CCDC85A: variants seen among roughly 807,000 people sequenced by gnomAD.
The protein encoded by CCDC85A is coiled-coil domain containing 85A.
Under a neutral mutation model 50.2 loss-of-function variants are expected in CCDC85A, and 38 were observed. That is an observed-to-expected ratio of 0.76 (90% CI 0.58 to 0.99). CCDC85A has a LOEUF of 0.99. Among genes scored for constraint, CCDC85A ranks in the 50% least tolerant of loss-of-function variants. The pLI is 0.00. For synonymous variants in CCDC85A, 366 were observed against 301.4 expected (o/e 1.21, Z -2.22); for missense variants, 820 against 742.0 (o/e 1.11, Z -1.22).
chr2:56,347,715 G>A (rs1311319061), intron 3 of CCDC85A, among the ~76,000 whole-genome samples: 1 of 152,172 alleles, frequency 6.6e-6, no homozygotes, highest in East Asian at 1.9e-4. Context: ...GAGTGAACTG[G>A]AGGAGGGTGG....
intron 3 of CCDC85A, among the ~76,000 whole-genome samples, chr2:56,353,631 C>G (rs1403692920): frequency 2.0e-5 from 3 of 152,060 alleles, no homozygotes; most frequent in African/African-American, 7.2e-5. Flanking sequence ...GGAGAGGAAC[C>G]CACAGGAAGT....
At chr2:56,211,540 A>G (rs748065407) in intron 2 of CCDC85A, among the ~76,000 whole-genome samples, 1 of 151,996 alleles carries the variant, frequency 6.6e-6, no homozygotes, top group African/African-American at 2.4e-5. Context: ...AATGTTAGAA[A>G]TAAAGCAATC....
rs535638600 is a variant in CCDC85A at position 56,351,314 on chromosome 2, G to A, written c.1317+8359G>A. 1.7e-3 allele frequency among the ~76,000 whole-genome samples: 252 copies of A among 150,688 alleles called. 1 individual carries two copies. Among genetic ancestry groups the A allele is most frequent in the African/African-American group, 5.4e-3 (218 of 40,686 alleles). On this transcript the variant is annotated intron_variant, in intron 3 of 5. Transcript: ENST00000407595. ...GTGAATAGTGCCGCAATAAACATACGTGTGCATGTGTCTTTATAGCAGCAT... is the reference window on the plus strand; with the variant it reads ...GTGAATAGTGCCGCAATAAACATACATGTGCATGTGTCTTTATAGCAGCAT...
chr2:56,338,784 T>A (rs1198823254), intron 2 of CCDC85A, among the ~76,000 whole-genome samples: 4 of 152,100 alleles, frequency 2.6e-5, no homozygotes, highest in African/African-American at 7.2e-5. Context: ...ATTTTTTTTT[T>A]AATGGCTTTT....
chr2:56,288,440 T>G (rs955417465), intron 2 of CCDC85A, among the ~76,000 whole-genome samples: 2 of 152,150 alleles, frequency 1.3e-5, no homozygotes, highest in East Asian at 3.9e-4. Context: ...TAGTTTAATG[T>G]TTTTGATTGA....
chr2:56,322,106 C>T (rs1673229376), intron 2 of CCDC85A, among the ~76,000 whole-genome samples: 2 of 152,184 alleles, frequency 1.3e-5, no homozygotes, highest in African/African-American at 4.8e-5. Context: ...AAAGCTGAAA[C>T]TGGATCCCTT....
intron 2 of CCDC85A, among the ~76,000 whole-genome samples, chr2:56,275,002 C>T (rs1670863199): frequency 6.6e-6 from 1 of 152,114 alleles, no homozygotes; most frequent in Admixed American, 6.5e-5. Context: ...ACACTAATTT[C>T]ATCATGAGGG....
intron 5 of CCDC85A, among the ~76,000 whole-genome samples, 200 bp downstream of exon 5, chr2:56,376,135 T>C (rs1217585892): frequency 6.7e-6 from 1 of 149,500 alleles, no homozygotes; most frequent in Non-Finnish European, 1.5e-5. Flanking sequence ...GTACTTATGG[T>C]TGAATCTCTA....
intron 1 of CCDC85A, among the ~76,000 whole-genome samples, chr2:56,191,687 G>C (rs1190235136): frequency 6.6e-6 from 1 of 152,192 alleles, no homozygotes; most frequent in Non-Finnish European, 1.5e-5. Context: ...GGTGCAGTTT[G>C]GGGAGAGAGG....
At chr2:56,288,076 G>A (rs967374723) in intron 2 of CCDC85A, among the ~76,000 whole-genome samples, 1 of 152,082 alleles carries the variant, frequency 6.6e-6, no homozygotes, top group African/African-American at 2.4e-5. Flanking sequence ...CCCATATCTT[G>A]GGATGATTGA....
At chr2:56,316,688 G>A (rs1284208720) in intron 2 of CCDC85A, among the ~76,000 whole-genome samples, 1 of 152,030 alleles carries the variant, frequency 6.6e-6, no homozygotes, top group Non-Finnish European at 1.5e-5. Context: ...TTAGTAAGGG[G>A]ATGTTCTGTG....
At chr2:56,240,784 A>G (rs1231847591) in intron 2 of CCDC85A, among the ~76,000 whole-genome samples, 1 of 152,154 alleles carries the variant, frequency 6.6e-6, no homozygotes, top group Non-Finnish European at 1.5e-5. Context: ...TCATCAATTG[A>G]TGAAAATTTT....
chr2:56,309,547 A>G (rs887735256), intron 2 of CCDC85A, among the ~76,000 whole-genome samples: 12 of 152,230 alleles, frequency 7.9e-5, no homozygotes, highest in African/African-American at 2.7e-4. Context: ...TTTGGTGAAC[A>G]GTAAAAGTGA....
intron 3 of CCDC85A, among the ~76,000 whole-genome samples, chr2:56,363,523 A>G (rs777227467): frequency 2.0e-5 from 3 of 152,226 alleles, no homozygotes; most frequent in Middle Eastern, 3.4e-3. Context: ...TTGCTTCTCT[A>G]TTGACCTCTC....
At chr2:56,371,178 G>A (rs1210944107) in intron 3 of CCDC85A, among the ~76,000 whole-genome samples, 1 of 152,106 alleles carries the variant, frequency 6.6e-6, no homozygotes, top group Non-Finnish European at 1.5e-5. Flanking sequence ...TTATACGTGA[G>A]AAGTAGAGTA....
At position 56,384,446 on chromosome 2, in the gene CCDC85A, G is replaced by C. The variant is rs1000263951; in HGVS notation, c.*91G>C. 5 of 1,074,332 alleles carry C rather than the reference G, an allele frequency of 4.7e-6. No homozygotes were observed. Among genetic ancestry groups the C allele is most frequent in the East Asian group, 2.4e-5 (1 of 41,300 alleles). The allele number at this position is 1,074,332 out of a possible 1,614,324, so 66.5% of individuals were successfully genotyped here. A position where few individuals can be genotyped will look rare whatever the true frequency, so the allele number is the denominator to read the frequency against. On this transcript the variant is annotated 3_prime_UTR_variant, in exon 6 of 6. Coordinates refer to ENST00000407595, the MANE Select transcript of CCDC85A (RefSeq NM_001080433.2). ...GAAAGAGTGGGTTTCCACAAACCTG[G>C]ACTCATGGAATAACATGGAGTGATT...
chr2:56,278,015 A>G (rs1671037443), intron 2 of CCDC85A, among the ~76,000 whole-genome samples: 1 of 152,176 alleles, frequency 6.6e-6, no homozygotes, highest in African/African-American at 2.4e-5. Flanking sequence ...CATGGGGGAG[A>G]TGAGGCTGGG....
chr2:56,236,150 A>G (rs763838134), intron 2 of CCDC85A, among the ~76,000 whole-genome samples: 14 of 152,218 alleles, frequency 9.2e-5, no homozygotes, highest in Non-Finnish European at 4.4e-5. Flanking sequence ...GAATTGTAAC[A>G]GCTTACTTCC....
chr2:56,258,130 G>T (rs897330781), intron 2 of CCDC85A, among the ~76,000 whole-genome samples: 2 of 152,170 alleles, frequency 1.3e-5, no homozygotes, highest in Non-Finnish European at 1.5e-5. Context: ...GTGTGAGAAT[G>T]CAGGGGATGG....
Sources: allele counts gnomAD v4.1 joint callset (sites outside exome capture counted in the v4.1 genomes callset), GRCh38; gene constraint gnomAD v4.1.1; transcripts MANE v1.5; gene names NCBI Gene and HGNC (gene_info 2026-07-23, HGNC 2026-07-21).